UCHL5: variants seen among roughly 807,000 people sequenced by gnomAD.
The protein encoded by UCHL5 is ubiquitin carboxyl-terminal hydrolase isozyme L5.
Under a neutral mutation model 53.8 loss-of-function variants are expected in UCHL5, and 34 were observed. That is an observed-to-expected ratio of 0.63 (90% CI 0.48 to 0.84). UCHL5 has a LOEUF of 0.84. UCHL5 is among the 40% of genes least tolerant of loss of function. The pLI, the probability that UCHL5 is intolerant of heterozygous loss-of-function variation, is 0.00. For missense variants in UCHL5, 290 were observed against 385.6 expected, an observed-to-expected ratio of 0.75 and a Z score of 2.08; for synonymous variants, 111 against 126.3, an observed-to-expected ratio of 0.88 and a Z score of 0.81.
chr1:193,020,271 T>A, intron 10 of UCHL5: 1 of 1,527,330 alleles, frequency 6.5e-7, no homozygotes, highest in Non-Finnish European at 8.8e-7. Flanking sequence ...ATCTTTGCTT[T>A]GTAAACTTTA....
At chr1:193,033,889 G>C (rs1484992640) in intron 3 of UCHL5, among the ~76,000 whole-genome samples, 2 of 152,168 alleles carry the variant, frequency 1.3e-5, no homozygotes, top group Non-Finnish European at 2.9e-5. Flanking sequence ...AGTGAGAACA[G>C]TGTGAACAAA....
At chr1:193,016,764 CTTACA>C (rs1278666062) in intron 10 of UCHL5, among the ~76,000 whole-genome samples, 3 of 151,648 alleles carry the variant, frequency 2.0e-5, no homozygotes, top group African/African-American at 4.8e-5. Flanking sequence ...TAAGAAAAAT[CTTACA>C]TTAGTTTCTG....
chr1:193,028,233 T>G, intron 6 of UCHL5, 85 bp from the exon 7 acceptor site: 1 of 1,183,878 alleles, frequency 8.4e-7, no homozygotes, highest in Non-Finnish European at 1.2e-6. Context: ...CAAAATATTT[T>G]TTTACAAATA....
At chr1:193,019,069 T>C (rs1015808549) in intron 10 of UCHL5, among the ~76,000 whole-genome samples, 2 of 151,606 alleles carry the variant, frequency 1.3e-5, no homozygotes, top group Non-Finnish European at 3.0e-5. Flanking sequence ...AACAAAAATA[T>C]ATTCTTGCAA....
At chr1:193,045,188 T>C (rs753024274) in intron 3 of UCHL5, among the ~76,000 whole-genome samples, 2 of 152,216 alleles carry the variant, frequency 1.3e-5, no homozygotes, top group Non-Finnish European at 2.9e-5. Flanking sequence ...ATTTATTGGA[T>C]ACCTACCACG....
chr1:193,017,627 G>A (rs553683503), intron 10 of UCHL5, among the ~76,000 whole-genome samples: 1 of 151,660 alleles, frequency 6.6e-6, no homozygotes, highest in Non-Finnish European at 1.5e-5. Flanking sequence ...TTATTGATCT[G>A]AGTATACTTA....
In UCHL5 at chr1:193,012,941, T is replaced by C. The variant is rs1036195343; in HGVS notation, c.*3410A>G. 2 of 152,176 alleles carry C rather than the reference T, an allele frequency of 1.3e-5. No individual in the cohort carries two copies. The allele number at this position is 152,176 out of a possible 1,614,324, so 9.4% of individuals were successfully genotyped here. Reference sequence around the variant, plus strand: ...AAGTGGTGAATCTTTACCATGTCAGTCATTGGATTTAGGCCAGTTAACAAT... The same window carrying C: ...AAGTGGTGAATCTTTACCATGTCAGCCATTGGATTTAGGCCAGTTAACAAT... On this transcript the variant is annotated 3_prime_UTR_variant, in exon 11 of 11. Coordinates refer to ENST00000367454, the MANE Select transcript of UCHL5 (RefSeq NM_001199261.3).
intron 3 of UCHL5, among the ~76,000 whole-genome samples, chr1:193,033,956 T>A (rs1662459644): frequency 6.6e-6 from 1 of 152,220 alleles, no homozygotes; most frequent in South Asian, 2.1e-4. Context: ...AGCATATTGG[T>A]CATTTGTACT....
Position 193,016,184 on chromosome 1 carries a change from C to T in UCHL5, c.*167G>A. On this transcript the variant is annotated 3_prime_UTR_variant, in exon 11 of 11. Coordinates refer to ENST00000367454, the MANE Select transcript of UCHL5 (RefSeq NM_001199261.3). ...TAATATGCACTACATGCACATGATGCAGGTAGGGAAGAAGTTTATGAATCC... is the reference window on the plus strand; with the variant it reads ...TAATATGCACTACATGCACATGATGTAGGTAGGGAAGAAGTTTATGAATCC... The T allele has an allele frequency of 1.5e-6, 1 of 686,162 alleles. No homozygotes were observed. The highest frequency in any genetic ancestry group is 2.5e-6 in the Non-Finnish European group (1 of 403,824). 42.5% of individuals were successfully genotyped at this position (686,162 alleles called of 1,614,324 possible). A position where few individuals can be genotyped will look rare whatever the true frequency, so the allele number is the denominator to read the frequency against.
chr1:193,058,603 A>T (rs145907529), intron 1 of UCHL5, among the ~76,000 whole-genome samples: 274 of 152,384 alleles, frequency 1.8e-3, no homozygotes, highest in African/African-American at 6.5e-3. Flanking sequence ...GCCAGAAATG[A>T]GCAGAGAGCG....
rs752629005 is a variant in UCHL5 at position 193,029,279 on chromosome 1, T to G, written c.465A>C (p.Thr155=). The change falls in exon 6 of 11, where the codon ACA becomes ACC. Residue 155 remains threonine, a synonymous_variant. Coordinates refer to ENST00000367454, the MANE Select transcript of UCHL5 (RefSeq NM_001199261.3). ...RQQMFEFDTK[T]SAKEEDAFHF... ...GAAAAGCATCTTCTTCTTTTGCTGA[T>G]GTCTTCGTATCAAATTCAAACATTT... is the stretch of plus-strand genomic sequence containing the variant. 124 of 1,613,732 alleles carry G rather than the reference T, an allele frequency of 7.7e-5. 6 individuals are homozygous for G. Among genetic ancestry groups the G allele is most frequent in the Non-Finnish European group, 9.6e-5 (113 of 1,179,856 alleles).
In UCHL5 at chr1:193,029,190, G is replaced by A. The variant is rs1660458174; in HGVS notation, c.554C>T (p.Pro185Leu). 6 of 1,612,136 alleles carry A rather than the reference G, an allele frequency of 3.7e-6. No individual in the cohort carries two copies. The highest frequency in any genetic ancestry group is 1.1e-5 in the South Asian group (1 of 90,456). Residue 185 changes from proline (P) to leucine (L), a missense_variant, in exon 6 of 11, where the codon CCG becomes CTG. Physicochemically the swap from Pro to Leu is moderately conservative, Grantham distance 98. Transcript: ENST00000367454. ...AGGAACTGCATTACCTAAATCAATCGGTCCTTCTCTTAATCCATCTAATTC... is the reference window on the plus strand; with the variant it reads ...AGGAACTGCATTACCTAAATCAATCAGTCCTTCTCTTAATCCATCTAATTC... Reference protein sequence around the residue: ...LYELDGLREGPIDLGACNQDD... With the variant: ...LYELDGLREGLIDLGACNQDD...
chr1:193,059,624 G>T, upstream of UCHL5: 2 of 1,411,302 alleles, frequency 1.4e-6, no homozygotes, highest in Non-Finnish European at 1.9e-6. The surrounding 1 kb of genome is among the most constrained non-coding windows in gnomAD (Gnocchi z 4.9). Flanking sequence ...TCGTTCCCGG[G>T]AACCGAACCT....
At position 193,059,033 on chromosome 1, in the gene UCHL5, G is replaced by T; in HGVS notation, c.76+152C>A. 1 of 726,350 alleles carries T rather than the reference G, an allele frequency of 1.4e-6. No homozygotes were observed. The highest frequency in any genetic ancestry group is 2.2e-6 in the Non-Finnish European group (1 of 451,646). 45.0% of individuals were successfully genotyped at this position (726,350 alleles called of 1,614,324 possible). Reference sequence around the variant, plus strand: ...CGCGACTGTCTCGAGCTGAGGAGAGGGCAGAACATCTACATTTCCCCCACC... The same window carrying T: ...CGCGACTGTCTCGAGCTGAGGAGAGTGCAGAACATCTACATTTCCCCCACC... On this transcript the variant is annotated intron_variant, in intron 1 of 10. Transcript: ENST00000367454. This position sits in a 1 kb window ranked among gnomAD's most constrained non-coding sequence, Gnocchi z 4.9.
chr1:193,019,850 C>A (rs1006296501), intron 10 of UCHL5: 19 of 954,622 alleles, frequency 2.0e-5, no homozygotes, highest in Non-Finnish European at 2.4e-5. Flanking sequence ...TAATATTTAT[C>A]TAAGGGTCCT....
intron 3 of UCHL5, among the ~76,000 whole-genome samples, chr1:193,046,602 TTGTAAGGGA>T (rs1667397741): frequency 6.6e-6 from 1 of 150,406 alleles, no homozygotes; most frequent in Non-Finnish European, 1.5e-5. Context: ...CAGATAATTG[TTGTAAGGGA>T]TCAGATTAAT....
intron 3 of UCHL5, among the ~76,000 whole-genome samples, chr1:193,044,084 G>C (rs190990976): frequency 3.3e-4 from 50 of 152,268 alleles, no homozygotes; most frequent in Non-Finnish European, 5.0e-4. Context: ...GGTCTTGGTC[G>C]AACTCTACAG....
chr1:193,059,832 CA>C (rs760392502), upstream of UCHL5: 2 of 1,359,718 alleles, frequency 1.5e-6, no homozygotes, highest in Non-Finnish European at 2.0e-6. The surrounding 1 kb of genome is among the most constrained non-coding windows in gnomAD (Gnocchi z 4.9). Flanking sequence ...CAGGGACGCG[CA>C]AATTCTGACC....
Position 193,028,015 on chromosome 1 carries a change from A to C in UCHL5, c.629+70T>G, listed in dbSNP as rs1659986284. 1.9e-6 allele frequency: 3 copies of C among 1,577,886 alleles called. No individual in the cohort carries two copies. In the East Asian group the frequency reaches 6.8e-5, roughly 36 times the overall value. On this transcript the variant is annotated intron_variant, in intron 7 of 10. Transcript: ENST00000367454. ...GTTCAATGCACACTGCTAAAATAACAATAAAATACAAGTTTAAAAAATACT... is the reference window on the plus strand; with the variant it reads ...GTTCAATGCACACTGCTAAAATAACCATAAAATACAAGTTTAAAAAATACT...
Sources: allele counts gnomAD v4.1 joint callset (sites outside exome capture counted in the v4.1 genomes callset), GRCh38; gene constraint gnomAD v4.1.1; non-coding constraint Gnocchi (gnomAD v3.1); transcripts MANE v1.5; gene names NCBI Gene and HGNC (gene_info 2026-07-23, HGNC 2026-07-21).